The following PTPRD variants were observed in gnomAD, a reference collection of about 807,000 sequenced individuals.
PTPRD encodes the protein receptor-type tyrosine-protein phosphatase delta.
PTPRD carries 34 observed loss-of-function variants against 214.5 expected under a neutral mutation model. The ratio of observed to expected loss-of-function variants is 0.16; its 90% CI spans 0.12 to 0.21. The LOEUF (loss-of-function observed/expected upper bound fraction) is 0.21. Among genes scored for constraint, PTPRD ranks in the 10% least tolerant of loss-of-function variants. The pLI, the probability that PTPRD is intolerant of heterozygous loss-of-function variation, is 1.00. For missense variants in PTPRD, 2,545 were observed against 2,398.7 expected, an observed-to-expected ratio of 1.06 and a Z score of -1.27; for synonymous variants, 1,128 against 845.7, an observed-to-expected ratio of 1.33 and a Z score of -5.79.
intron 11 of PTPRD, among the ~76,000 whole-genome samples, chr9:8,887,184 TA>T (rs1426595183): frequency 1.3e-5 from 2 of 152,190 alleles, no homozygotes; most frequent in African/African-American, 4.8e-5. Flanking sequence ...TCAGACTCCA[TA>T]ACGCATGCTA....
intron 11 of PTPRD, among the ~76,000 whole-genome samples, chr9:8,932,261 C>T (rs10116872): frequency 0.49 from 75,185 of 151,926 alleles, 18,833 homozygotes; most frequent in Middle Eastern, 0.59. Context: ...AGGGTGTCGA[C>T]TTTAGATCTT....
At chr9:9,532,403 A>T (rs1034101482) in intron 8 of PTPRD, among the ~76,000 whole-genome samples, 1 of 152,156 alleles carries the variant, frequency 6.6e-6, no homozygotes, top group African/African-American at 2.4e-5. Flanking sequence ...CCAAGACCCA[A>T]ACTGGCGTCC....
chr9:8,826,111 C>T (rs1019584602), intron 11 of PTPRD, among the ~76,000 whole-genome samples: 9 of 152,062 alleles, frequency 5.9e-5, no homozygotes, highest in African/African-American at 1.7e-4. Flanking sequence ...AGATAAAGGC[C>T]TGTATCTGTC....
At chr9:9,040,149 G>A (rs1173139220) in intron 10 of PTPRD, among the ~76,000 whole-genome samples, 1 of 152,186 alleles carries the variant, frequency 6.6e-6, no homozygotes, top group African/African-American at 2.4e-5. Context: ...CATGCAAGGG[G>A]AAAGGGCTAT....
chr9:10,245,097 A>G (rs961198617), intron 3 of PTPRD, among the ~76,000 whole-genome samples: 1 of 152,178 alleles, frequency 6.6e-6, no homozygotes, highest in East Asian at 1.9e-4. Context: ...GACATTTTAC[A>G]TATTATTGAC....
At chr9:10,430,958 T>C (rs1236591672) in intron 2 of PTPRD, among the ~76,000 whole-genome samples, 1 of 151,986 alleles carries the variant, frequency 6.6e-6, no homozygotes, top group East Asian at 1.9e-4. Context: ...GCTATCAAAA[T>C]TAAAACTTCT....
chr9:9,949,507 A>T (rs1000285231), intron 4 of PTPRD, among the ~76,000 whole-genome samples: 1 of 152,076 alleles, frequency 6.6e-6, no homozygotes, highest in East Asian at 1.9e-4. Flanking sequence ...CTTCTTTGCA[A>T]CAGCCCTCGT....
chr9:10,400,372 A>C (rs955287733), intron 2 of PTPRD, among the ~76,000 whole-genome samples: 3 of 151,790 alleles, frequency 2.0e-5, no homozygotes, highest in African/African-American at 7.2e-5. Flanking sequence ...AAGTACTTTA[A>C]ATTTTAAAAT....
chr9:9,215,744 C>T (rs1371326933), intron 9 of PTPRD, among the ~76,000 whole-genome samples: 1 of 152,186 alleles, frequency 6.6e-6, no homozygotes, highest in Non-Finnish European at 1.5e-5. Context: ...TGACTTTCTT[C>T]ATTCCATCGT....
chr9:8,358,500 G>T (rs1275241854), intron 39 of PTPRD, among the ~76,000 whole-genome samples: 1 of 152,084 alleles, frequency 6.6e-6, no homozygotes, highest in Non-Finnish European at 1.5e-5. Flanking sequence ...CCTGCAGCTT[G>T]TATCTTAAAT....
At chr9:8,717,318 C>T (rs552944929) in intron 12 of PTPRD, among the ~76,000 whole-genome samples, 1 of 152,290 alleles carries the variant, frequency 6.6e-6, no homozygotes, top group East Asian at 1.9e-4. Context: ...ACGTCTCATC[C>T]TCTCTGGCTG....
At chr9:9,684,928 T>C (rs1341163009) in intron 7 of PTPRD, among the ~76,000 whole-genome samples, 1 of 151,580 alleles carries the variant, frequency 6.6e-6, no homozygotes, top group Non-Finnish European at 1.5e-5. Flanking sequence ...TTTTTTCCTA[T>C]CTAAAATAAG....
At chr9:9,977,333 A>C (rs888989302) in intron 4 of PTPRD, among the ~76,000 whole-genome samples, 14 of 152,208 alleles carry the variant, frequency 9.2e-5, no homozygotes, top group African/African-American at 3.4e-4. Context: ...TTTAACCTCA[A>C]GGCCCTATTG....
intron 5 of PTPRD, among the ~76,000 whole-genome samples, chr9:9,853,685 A>G (rs1206233864): frequency 6.6e-6 from 1 of 151,836 alleles, no homozygotes; most frequent in East Asian, 1.9e-4. Context: ...AGTAGTTGGG[A>G]CTACAGGTGC....
chr9:8,662,283 C>T (rs567139372), intron 12 of PTPRD, among the ~76,000 whole-genome samples: 5 of 152,140 alleles, frequency 3.3e-5, no homozygotes, highest in East Asian at 1.9e-4. Context: ...ACTGGGGAAA[C>T]GGGGTCACTG....
chr9:8,523,691 A>G (rs1027791381), intron 18 of PTPRD, among the ~76,000 whole-genome samples, 167 bp from the exon 19 acceptor site: 2 of 152,182 alleles, frequency 1.3e-5, no homozygotes, highest in African/African-American at 4.8e-5. Flanking sequence ...AAAGTTAGCA[A>G]TATCTCACAG....
chr9:8,408,609 C>CA (rs1206137686), intron 35 of PTPRD, among the ~76,000 whole-genome samples: 6 of 152,140 alleles, frequency 3.9e-5, no homozygotes, highest in African/African-American at 1.4e-4. Flanking sequence ...ACAGAATTCA[C>CA]AAAAATGCTA....
intron 8 of PTPRD, among the ~76,000 whole-genome samples, chr9:9,520,838 T>C (rs2096954208): frequency 6.6e-6 from 1 of 152,124 alleles, no homozygotes; most frequent in Non-Finnish European, 1.5e-5. Context: ...TTAGCACTAT[T>C]TAAACAAATC....
chr9:9,426,734 C>A (rs1441337467), intron 8 of PTPRD, among the ~76,000 whole-genome samples: 1 of 152,156 alleles, frequency 6.6e-6, no homozygotes, highest in East Asian at 1.9e-4. Flanking sequence ...AAGGCAGCAA[C>A]ATTTGCCGTT....
Sources: gnomAD v4.1 joint callset for allele counts (sites outside exome capture counted in the v4.1 genomes callset) on GRCh38, gnomAD v4.1.1 for gene constraint, MANE v1.5 for transcripts, NCBI Gene and HGNC (gene_info 2026-07-23, HGNC 2026-07-21) for gene names.